PLCB1: variants seen among roughly 807,000 people sequenced by gnomAD.
PLCB1 encodes the protein 1-phosphatidylinositol 4,5-bisphosphate phosphodiesterase beta-1.
PLCB1 carries 46 observed loss-of-function variants against 161.8 expected under a neutral mutation model. The ratio of observed to expected loss-of-function variants is 0.28; its 90% CI spans 0.22 to 0.36. The LOEUF (loss-of-function observed/expected upper bound fraction) is 0.36, where lower values mean the gene tolerates loss of function less well. Among genes scored for constraint, PLCB1 ranks in the 10% least tolerant of loss-of-function variants. The pLI is 1.00. For missense variants in PLCB1, 1,016 were observed against 1,472.5 expected, an observed-to-expected ratio of 0.69 and a Z score of 5.07; for synonymous variants, 517 against 503.7, an observed-to-expected ratio of 1.03 and a Z score of -0.35.
At chr20:8,557,347 A>G (rs1985997731) in intron 3 of PLCB1, among the ~76,000 whole-genome samples, 1 of 152,098 alleles carries the variant, frequency 6.6e-6, no homozygotes, top group Non-Finnish European at 1.5e-5. Context: ...TATACTTACA[A>G]TGGAATATGA....
intron 2 of PLCB1, among the ~76,000 whole-genome samples, chr20:8,163,436 C>T (rs1293875604): frequency 5.3e-5 from 8 of 152,138 alleles, no homozygotes; most frequent in African/African-American, 1.2e-4. Context: ...GGAAGCTGTC[C>T]GTTGGCATAC....
At chr20:8,584,840 G>A (rs935365280) in intron 3 of PLCB1, among the ~76,000 whole-genome samples, 6 of 151,948 alleles carry the variant, frequency 3.9e-5, no homozygotes, top group Admixed American at 1.3e-4. Flanking sequence ...ATAGGCGCCC[G>A]CCACCACACC....
chr20:8,314,281 A>G (rs1384812529), intron 2 of PLCB1, among the ~76,000 whole-genome samples: 3 of 152,176 alleles, frequency 2.0e-5, no homozygotes, highest in African/African-American at 7.2e-5. Context: ...GGCCATTCAT[A>G]TTTACTACCA....
intron 3 of PLCB1, among the ~76,000 whole-genome samples, chr20:8,401,227 T>C (rs1329712309): frequency 2.0e-5 from 3 of 152,196 alleles, no homozygotes; most frequent in Non-Finnish European, 4.4e-5. Flanking sequence ...CTTCTCACTG[T>C]TTCGTAAGAT....
chr20:8,509,773 GATAGAT>G, intron 3 of PLCB1, among the ~76,000 whole-genome samples: 1 of 151,494 alleles, frequency 6.6e-6, no homozygotes, highest in African/African-American at 2.4e-5. Flanking sequence ...TAGATAGATA[GATAGAT>G]AGATAGCATG....
At chr20:8,710,645 G>A (rs867801007) in intron 12 of PLCB1, among the ~76,000 whole-genome samples, 23 of 151,360 alleles carry the variant, frequency 1.5e-4, no homozygotes, top group African/African-American at 5.6e-4. Context: ...CTTCCGAGTA[G>A]CTGGGATTAC....
At chr20:8,306,481 A>T (rs748035603) in intron 2 of PLCB1, 3 of 152,220 alleles carry the variant, frequency 2.0e-5, no homozygotes, top group Non-Finnish European at 4.4e-5. Context: ...TGACTCCTAG[A>T]TCGGCTTCTC....
At chr20:8,621,641 A>C (rs1436561855) in intron 3 of PLCB1, among the ~76,000 whole-genome samples, 3 of 152,348 alleles carry the variant, frequency 2.0e-5, no homozygotes, top group African/African-American at 7.2e-5. Flanking sequence ...ATCGCTAAAC[A>C]AGGTAACTTG....
intron 2 of PLCB1, among the ~76,000 whole-genome samples, chr20:8,321,629 A>G (rs557010253): frequency 2.0e-5 from 3 of 152,312 alleles, no homozygotes; most frequent in Non-Finnish European, 4.4e-5. Context: ...TCAAAATCAC[A>G]TACACAAAAT....
At position 8,670,876 on chromosome 20, in the gene PLCB1, G is replaced by T. The variant is rs565099472; in HGVS notation, c.862+12172G>T. ...TCTCTGAGCTGATCTAGCAGAATTC[G>T]CAAGGGCCAAAGCACCAGGAAAAAA... On this transcript the variant is annotated intron_variant, in intron 9 of 31. Transcript: ENST00000338037. Among the ~76,000 whole-genome samples the T allele has an allele frequency of 2.0e-5, 3 of 152,316 alleles. No individual in the cohort carries two copies. The South Asian group carries it at 6.2e-4, about 32-fold the overall frequency.
At chr20:8,364,312 T>C (rs1219270927) in intron 2 of PLCB1, among the ~76,000 whole-genome samples, 1 of 152,176 alleles carries the variant, frequency 6.6e-6, no homozygotes, top group Non-Finnish European at 1.5e-5. Flanking sequence ...TACTTGCCAA[T>C]AACATTGGGC....
chr20:8,749,308 C>T (rs191125773), intron 23 of PLCB1, among the ~76,000 whole-genome samples: 3 of 152,274 alleles, frequency 2.0e-5, no homozygotes, highest in East Asian at 1.9e-4. Context: ...ATCTTTCTTT[C>T]GCAAGAGTGT....
chr20:8,789,497 G>A (rs1479801331), intron 29 of PLCB1, 21 bp from the exon 30 acceptor site: 2 of 1,541,600 alleles, frequency 1.3e-6, no homozygotes, highest in African/African-American at 2.7e-5. Context: ...GTATAATGAT[G>A]TATTCATCAT....
intron 2 of PLCB1, among the ~76,000 whole-genome samples, chr20:8,246,412 T>G (rs575335548): frequency 6.6e-6 from 1 of 152,070 alleles, no homozygotes; most frequent in African/African-American, 2.4e-5. Flanking sequence ...TTTTCAGGCT[T>G]ATGCACATGT....
intron 3 of PLCB1, among the ~76,000 whole-genome samples, chr20:8,560,692 G>A (rs921300706): frequency 4.6e-5 from 7 of 151,930 alleles, no homozygotes; most frequent in African/African-American, 1.7e-4. Flanking sequence ...TCAAGAAGCA[G>A]ACAGGAACAT....
At chr20:8,713,273 C>T (rs950271841) in intron 12 of PLCB1, among the ~76,000 whole-genome samples, 4 of 152,158 alleles carry the variant, frequency 2.6e-5, no homozygotes, top group Non-Finnish European at 4.4e-5. Context: ...ACTGCAACCT[C>T]CACCTCCCAG....
At chr20:8,590,578 T>C (rs921466962) in intron 3 of PLCB1, among the ~76,000 whole-genome samples, 3 of 152,150 alleles carry the variant, frequency 2.0e-5, no homozygotes, top group African/African-American at 7.2e-5. Context: ...ACGTAGAGGT[T>C]ACTTGGCTAA....
At chr20:8,409,370 A>G (rs1180083375) in intron 3 of PLCB1, among the ~76,000 whole-genome samples, 2 of 152,156 alleles carry the variant, frequency 1.3e-5, no homozygotes, top group Admixed American at 1.3e-4. Flanking sequence ...AGGGGTCTGC[A>G]GATATTTTCT....
intron 9 of PLCB1, among the ~76,000 whole-genome samples, chr20:8,683,226 G>A (rs1600248246): frequency 6.6e-6 from 1 of 152,026 alleles, no homozygotes; most frequent in East Asian, 1.9e-4. Flanking sequence ...ACACACACAC[G>A]GGTATTTTTC....
Sources: allele counts gnomAD v4.1 joint callset (sites outside exome capture counted in the v4.1 genomes callset), GRCh38; gene constraint gnomAD v4.1.1; transcripts MANE v1.5; gene names NCBI Gene and HGNC (gene_info 2026-07-23, HGNC 2026-07-21).